SLC25A21: variants seen among roughly 807,000 people sequenced by gnomAD.
The protein encoded by SLC25A21 is solute carrier family 25 member 21.
In SLC25A21, 47 loss-of-function variants were observed where a neutral mutation model predicts 43.8. The observed-to-expected ratio is 1.07, with a 90% CI of 0.85 to 1.37. SLC25A21 has a LOEUF of 1.37. SLC25A21 is among the 40% of genes most tolerant of loss of function. SLC25A21 has a pLI of 0.00. For synonymous variants in SLC25A21, 131 were observed against 121.3 expected (o/e 1.08, Z -0.52); for missense variants, 352 against 350.2 (o/e 1.00, Z -0.04).
At chr14:36,989,427 A>G (rs1203051244) in intron 1 of SLC25A21, among the ~76,000 whole-genome samples, 1 of 152,096 alleles carries the variant, frequency 6.6e-6, no homozygotes, top group African/African-American at 2.4e-5. Context: ...GGGGTGGCAG[A>G]TGTTAAAAAT....
intron 1 of SLC25A21, among the ~76,000 whole-genome samples, chr14:37,052,378 T>C (rs1162069887): frequency 6.6e-6 from 1 of 152,192 alleles, no homozygotes; most frequent in Non-Finnish European, 1.5e-5. Context: ...GGCTCCTGGA[T>C]GCACCCAGCT....
intron 1 of SLC25A21, among the ~76,000 whole-genome samples, chr14:37,100,028 ATGTTTGTTTGTT>A (rs71449968): frequency 2.3e-4 from 34 of 147,204 alleles, no homozygotes; most frequent in South Asian, 2.2e-4. Context: ...CACCACCTCT[ATGTTTGTTTGTT>A]TGTTTGTTTG....
At chr14:37,125,702 G>A (rs1963285523) in intron 1 of SLC25A21, among the ~76,000 whole-genome samples, 1 of 152,134 alleles carries the variant, frequency 6.6e-6, no homozygotes, top group African/African-American at 2.4e-5. Context: ...AAAGCATTAT[G>A]ATTAGGTTAA....
intron 3 of SLC25A21, among the ~76,000 whole-genome samples, chr14:36,769,854 C>T (rs939717331): frequency 6.6e-5 from 10 of 152,172 alleles, no homozygotes; most frequent in African/African-American, 2.2e-4. Context: ...TACTCTTACA[C>T]CTCTTTGGGA....
chr14:37,049,572 A>G (rs965447994), intron 1 of SLC25A21, among the ~76,000 whole-genome samples: 2 of 152,152 alleles, frequency 1.3e-5, no homozygotes, highest in East Asian at 1.9e-4. Context: ...ACCCTGTTTC[A>G]AAAAGGAAAG....
intron 7 of SLC25A21, among the ~76,000 whole-genome samples, chr14:36,705,770 G>C (rs1469773991): frequency 6.6e-6 from 1 of 152,178 alleles, no homozygotes; most frequent in Non-Finnish European, 1.5e-5. Context: ...ATGCCAGTCA[G>C]AGTGCGTGAA....
At chr14:37,124,839 CCT>C (rs1458913699) in intron 1 of SLC25A21, among the ~76,000 whole-genome samples, 1 of 152,128 alleles carries the variant, frequency 6.6e-6, no homozygotes, top group Non-Finnish European at 1.5e-5. Flanking sequence ...GCGCCGCCTA[CCT>C]CTCTCTCTTG....
rs547365032 is a variant in SLC25A21 at position 37,094,994 on chromosome 14, T to C, written c.70+77287A>G. ...CACACACACAAAAAAAAAGTAAGTATGTGAAATGATATATATGTTAATTGG... is the reference window on the plus strand; with the variant it reads ...CACACACACAAAAAAAAAGTAAGTACGTGAAATGATATATATGTTAATTGG... On this transcript the variant is annotated intron_variant, in intron 1 of 9. Transcript: ENST00000331299. 7.6e-4 allele frequency among the ~76,000 whole-genome samples: 115 copies of C among 152,284 alleles called. 2 individuals are homozygous for C. In the South Asian group the frequency reaches 0.022, roughly 30 times the overall value.
At chr14:36,901,051 C>A (rs1270350482) in intron 1 of SLC25A21, among the ~76,000 whole-genome samples, 1 of 151,572 alleles carries the variant, frequency 6.6e-6, no homozygotes, top group African/African-American at 2.4e-5. Context: ...CAAACATTGC[C>A]TCATGGAAAA....
At chr14:37,094,595 T>C (rs1376828740) in intron 1 of SLC25A21, among the ~76,000 whole-genome samples, 1 of 152,064 alleles carries the variant, frequency 6.6e-6, no homozygotes, top group Non-Finnish European at 1.5e-5. Flanking sequence ...CATACATACT[T>C]ACATTCACAT....
intron 1 of SLC25A21, among the ~76,000 whole-genome samples, chr14:36,965,094 A>G (rs17767332): frequency 0.09 from 13,754 of 152,208 alleles, 832 homozygotes; most frequent in Non-Finnish European, 0.14. Flanking sequence ...CTGACATATT[A>G]ATTTCATTCT....
chr14:36,999,320 G>A (rs1250642558), intron 1 of SLC25A21, among the ~76,000 whole-genome samples: 2 of 152,186 alleles, frequency 1.3e-5, no homozygotes, highest in African/African-American at 4.8e-5. Context: ...ATAGCATTTT[G>A]TAAAAGGCAA....
intron 3 of SLC25A21, among the ~76,000 whole-genome samples, chr14:36,751,173 T>G (rs1168712091): frequency 6.6e-6 from 1 of 152,212 alleles, no homozygotes; most frequent in Non-Finnish European, 1.5e-5. Context: ...TCAAGACTAG[T>G]AGAAATCTGG....
intron 6 of SLC25A21, among the ~76,000 whole-genome samples, chr14:36,717,531 G>A (rs926007353): frequency 1.3e-5 from 2 of 152,230 alleles, no homozygotes; most frequent in African/African-American, 4.8e-5. Context: ...GAGGAGCACG[G>A]CACCCTGCAG....
chr14:36,681,780 T>C (rs1241595953), intron 9 of SLC25A21, among the ~76,000 whole-genome samples: 1 of 152,152 alleles, frequency 6.6e-6, no homozygotes, highest in Non-Finnish European at 1.5e-5. Context: ...TGTAACCATA[T>C]ACCAAAGATA....
intron 1 of SLC25A21, among the ~76,000 whole-genome samples, chr14:37,065,403 C>T (rs527501240): frequency 6.6e-6 from 1 of 152,116 alleles, no homozygotes; most frequent in African/African-American, 2.4e-5. Flanking sequence ...GGAGGTGAAC[C>T]GAGCTCTGGA....
chr14:37,047,012 C>A (rs1377376931), intron 1 of SLC25A21, among the ~76,000 whole-genome samples: 4 of 152,194 alleles, frequency 2.6e-5, no homozygotes. Context: ...TCAAAAGCCT[C>A]TAAGCAACTA....
Position 36,977,244 on chromosome 14 carries a change from G to A in SLC25A21, c.71-102240C>T, listed in dbSNP as rs535433765. ...TTCGTTTTGTAATTATCGGGGGAAG[G>A]AGAAAGATTTGGCTCCTTTTTCTAT... On this transcript the variant is annotated intron_variant, in intron 1 of 9. Coordinates refer to ENST00000331299, the MANE Select transcript of SLC25A21 (RefSeq NM_030631.4). Among the ~76,000 whole-genome samples, 8 of 152,244 alleles carry A rather than the reference G, an allele frequency of 5.3e-5. No individual in the cohort carries two copies. The East Asian group carries it at 1.5e-3, about 29-fold the overall frequency.
At chr14:36,801,075 A>G (rs1887854438) in intron 3 of SLC25A21, among the ~76,000 whole-genome samples, 1 of 152,082 alleles carries the variant, frequency 6.6e-6, no homozygotes, top group Non-Finnish European at 1.5e-5. Flanking sequence ...CAGAGCTCTC[A>G]CTCTTGGGAG....
Sources: gnomAD v4.1 joint callset for allele counts (sites outside exome capture counted in the v4.1 genomes callset) on GRCh38, gnomAD v4.1.1 for gene constraint, MANE v1.5 for transcripts, NCBI Gene and HGNC (gene_info 2026-07-23, HGNC 2026-07-21) for gene names.